Variants in DACH2 observed in about 807,000 individuals in gnomAD.
DACH2 encodes the protein dachshund family transcription factor 2.
A neutral mutation model predicts 35.8 loss-of-function variants in DACH2; 17 were observed. The ratio of observed to expected loss-of-function variants is 0.48; its 90% CI spans 0.33 to 0.71. DACH2 has a LOEUF of 0.71. DACH2 is among the 30% of genes least tolerant of loss of function. The probability of loss-of-function intolerance (pLI) is 0.02; values close to 1 mark genes in which losing one functional copy is unlikely to be tolerated. For missense variants in DACH2, 469 were observed against 472.7 expected, an observed-to-expected ratio of 0.99 and a Z score of 0.07; for synonymous variants, 195 against 177.3, an observed-to-expected ratio of 1.10 and a Z score of -0.79.
intron 4 of DACH2, among the ~76,000 whole-genome samples, chrX:86,672,787 C>T (rs1351118576): frequency 5.4e-5 from 6 of 111,592 alleles, no homozygotes; most frequent in African/African-American, 2.0e-4. Context: ...GGGTTGAAGC[C>T]ACCATACAAA....
At chrX:86,734,959 C>A (rs1255620664) in intron 6 of DACH2, among the ~76,000 whole-genome samples, 1 of 111,510 alleles carries the variant, frequency 9.0e-6, no homozygotes, top group African/African-American at 3.2e-5. Context: ...AGCCACTCCT[C>A]AGTAGCAAAA....
intron 7 of DACH2, among the ~76,000 whole-genome samples, chrX:86,783,020 C>A (rs372717392): frequency 9.0e-6 from 1 of 111,492 alleles, no homozygotes; most frequent in East Asian, 2.8e-4. Flanking sequence ...ACCCATCTGG[C>A]AAGGGATTAA....
At chrX:86,556,795 T>TATATATAGAGAGAG (rs1232719385) in intron 3 of DACH2, among the ~76,000 whole-genome samples, 9 of 25,288 alleles carry the variant, frequency 3.6e-4, no homozygotes, top group Non-Finnish European at 4.4e-4. Context: ...TATATATATA[T>TATATATAGAGAGAG]AGAGAGAGAG....
At chrX:86,556,822 A>AGG (rs2039136171) in intron 3 of DACH2, among the ~76,000 whole-genome samples, 1 of 94,045 alleles carries the variant, frequency 1.1e-5, no homozygotes, top group African/African-American at 3.7e-5. Context: ...AGAGAGAGAG[A>AGG]GAGAGAGAAG....
intron 11 of DACH2, among the ~76,000 whole-genome samples, chrX:86,826,616 A>G (rs1229596492): frequency 8.9e-6 from 1 of 111,905 alleles, no homozygotes; most frequent in East Asian, 2.8e-4. Context: ...TCATATTTAT[A>G]CTACTGCAAT....
At chrX:86,284,299 G>C (rs762358366) in intron 1 of DACH2, among the ~76,000 whole-genome samples, 9 of 111,208 alleles carry the variant, frequency 8.1e-5, no homozygotes, top group African/African-American at 2.0e-4. Flanking sequence ...TATCATGAAG[G>C]GGTGTTGAAT....
intron 7 of DACH2, among the ~76,000 whole-genome samples, chrX:86,784,464 A>C (rs1021442100): frequency 8.9e-6 from 1 of 112,132 alleles, no homozygotes; most frequent in Non-Finnish European, 1.9e-5. Flanking sequence ...GCTATCAATA[A>C]AAAATCAAAA....
intron 1 of DACH2, among the ~76,000 whole-genome samples, chrX:86,346,112 C>G (rs967665291): frequency 5.4e-5 from 6 of 111,180 alleles, no homozygotes; most frequent in Admixed American, 3.9e-4. Flanking sequence ...AGACATTCCT[C>G]TTTCTTTTAA....
intron 11 of DACH2, among the ~76,000 whole-genome samples, chrX:86,820,675 T>C (rs1044225732): frequency 9.9e-5 from 11 of 111,201 alleles, no homozygotes; most frequent in African/African-American, 3.6e-4. Flanking sequence ...ATTTACAATT[T>C]AGGGCATAAG....
intron 1 of DACH2, among the ~76,000 whole-genome samples, chrX:86,343,035 A>G (rs2035438697): frequency 8.9e-6 from 1 of 111,902 alleles, no homozygotes; most frequent in Admixed American, 9.5e-5. Context: ...TTCACACTTT[A>G]GTAGACTGCA....
At chrX:86,754,754 A>C (rs967157666) in intron 7 of DACH2, among the ~76,000 whole-genome samples, 11 of 111,680 alleles carry the variant, frequency 9.8e-5, no homozygotes, top group African/African-American at 2.9e-4. Context: ...TAAATAAGAT[A>C]ATTTTATTCT....
chrX:86,731,003 T>C (rs1242152259), intron 6 of DACH2, among the ~76,000 whole-genome samples: 3 of 111,871 alleles, frequency 2.7e-5, no homozygotes, highest in Non-Finnish European at 5.6e-5. Context: ...TTTTGGTTGT[T>C]TGAGTGCTCA....
intron 1 of DACH2, among the ~76,000 whole-genome samples, chrX:86,201,572 A>G (rs1460873665): frequency 1.8e-5 from 2 of 111,644 alleles, no homozygotes; most frequent in Non-Finnish European, 3.8e-5. Flanking sequence ...CAAACAGAGT[A>G]GCCATCAGAT....
At chrX:86,633,655 A>G (rs1367626936) in intron 3 of DACH2, among the ~76,000 whole-genome samples, 1 of 111,595 alleles carries the variant, frequency 9.0e-6, no homozygotes, top group Non-Finnish European at 1.9e-5. Flanking sequence ...ACACAACTAA[A>G]AAAGGAAAAC....
chrX:86,435,054 C>T (rs2037045748), intron 2 of DACH2, among the ~76,000 whole-genome samples: 4 of 111,319 alleles, frequency 3.6e-5, no homozygotes, highest in African/African-American at 9.8e-5. Flanking sequence ...GATCTACTCC[C>T]ATGACCCTAA....
At chrX:86,456,597 G>C (rs2037479589) in intron 2 of DACH2, among the ~76,000 whole-genome samples, 2 of 111,030 alleles carry the variant, frequency 1.8e-5, no homozygotes, top group South Asian at 3.7e-4. Flanking sequence ...TGCAAAAACT[G>C]TTATTCATTA....
Position 86,628,006 on chromosome X carries a change from A to G in DACH2, c.641-23030A>G, listed in dbSNP as rs367708311. On this transcript the variant is annotated intron_variant, in intron 3 of 11. Transcript: ENST00000373125. ...TGTGATTGTGAAGAGAACGTAAAGT[A>G]GACCGCTTCTAGAGAAGCATACTTA... 2.5e-4 allele frequency among the ~76,000 whole-genome samples: 28 copies of G among 112,181 alleles called. No individual in the cohort carries two copies. The East Asian group carries it at 2.6e-3, about 10-fold the overall frequency.
At chrX:86,149,613 T>A (rs2030291228) in intron 1 of DACH2, among the ~76,000 whole-genome samples, 1 of 111,303 alleles carries the variant, frequency 9.0e-6, no homozygotes, top group Non-Finnish European at 1.9e-5. Context: ...CAGAGGGTGA[T>A]TCGATCCCCA....
chrX:86,267,522 T>C (rs2033733746), intron 1 of DACH2, among the ~76,000 whole-genome samples: 1 of 112,018 alleles, frequency 8.9e-6, no homozygotes, highest in African/African-American at 3.2e-5. Context: ...TAAACACTAA[T>C]GATTTAAATG....
Sources: allele counts gnomAD v4.1 joint callset (sites outside exome capture counted in the v4.1 genomes callset), GRCh38; gene constraint gnomAD v4.1.1; transcripts MANE v1.5; gene names NCBI Gene and HGNC (gene_info 2026-07-23, HGNC 2026-07-21).